IPCEF1: variants seen among roughly 807,000 people sequenced by gnomAD.
IPCEF1 encodes interactor protein for cytohesin exchange factors 1.
IPCEF1 carries 31 observed loss-of-function variants against 50.9 expected under a neutral mutation model. The ratio of observed to expected loss-of-function variants is 0.61; its 90% CI spans 0.46 to 0.82. The LOEUF is 0.82. IPCEF1 is among the 40% of genes least tolerant of loss of function. IPCEF1 has a pLI of 0.00. For synonymous variants in IPCEF1, 181 were observed against 192.0 expected, an observed-to-expected ratio of 0.94 and a Z score of 0.47; for missense variants, 458 against 514.0, an observed-to-expected ratio of 0.89 and a Z score of 1.05.
intron 5 of IPCEF1, among the ~76,000 whole-genome samples, chr6:154,226,490 T>C (rs955457250): frequency 6.6e-6 from 1 of 152,148 alleles, no homozygotes; most frequent in African/African-American, 2.4e-5. Context: ...AACTCTTCCA[T>C]TCCCTTCTCG....
At chr6:154,326,209 C>T (rs1387952553) in intron 1 of IPCEF1, among the ~76,000 whole-genome samples, 1 of 145,000 alleles carries the variant, frequency 6.9e-6, no homozygotes, top group African/African-American at 2.7e-5. Context: ...GTGATAGAGC[C>T]AGACCTTGTC....
chr6:154,171,999 G>A (rs535052192), intron 10 of IPCEF1, among the ~76,000 whole-genome samples: 2 of 152,266 alleles, frequency 1.3e-5, no homozygotes, highest in South Asian at 4.1e-4. Flanking sequence ...GTATGACAAA[G>A]ATAAATAGAA....
At position 154,199,877 on chromosome 6, in the gene IPCEF1, TC is replaced by T. The variant is rs1171082291; in HGVS notation, c.700del (p.Asp234MetfsTer6). 1.9e-6 allele frequency: 3 copies of T among 1,614,084 alleles called. No individual in the cohort carries two copies. Among genetic ancestry groups the T allele is most frequent in the Non-Finnish European group, 2.5e-6 (3 of 1,180,030 alleles). ...DTVNSLSAAE[D>X]EGQPITFAVQ... ...AGCAAACGTTATTGGTTGTCCCTCA[TC>T]TTCAGCAGCAGACAAACTGTTAACT... On this transcript the variant is annotated frameshift_variant, in exon 10 of 12. Coordinates refer to ENST00000367220, the MANE Select transcript of IPCEF1 (RefSeq NM_001130700.2). LOFTEE classifies it high-confidence loss of function.
intron 3 of IPCEF1, among the ~76,000 whole-genome samples, chr6:154,256,872 G>A (rs1485545932): frequency 6.6e-6 from 1 of 152,122 alleles, no homozygotes; most frequent in African/African-American, 2.4e-5. Context: ...GTAATACATG[G>A]TATGATACCT....
intron 9 of IPCEF1, among the ~76,000 whole-genome samples, chr6:154,211,481 G>C (rs1777961424): frequency 6.6e-6 from 1 of 151,700 alleles, no homozygotes; most frequent in Non-Finnish European, 1.5e-5. Flanking sequence ...CCCATCTCAG[G>C]CACTCACTGG....
chr6:154,249,883 G>A (rs2128645706), intron 3 of IPCEF1, among the ~76,000 whole-genome samples: 1 of 145,590 alleles, frequency 6.9e-6, no homozygotes, highest in South Asian at 2.2e-4. Flanking sequence ...ACCTCAAGCA[G>A]AACAGGCACC....
At chr6:154,243,814 G>T (rs978479165) in intron 5 of IPCEF1, among the ~76,000 whole-genome samples, 6 of 152,118 alleles carry the variant, frequency 3.9e-5, no homozygotes, top group Admixed American at 1.3e-4. Context: ...TGGGACAATT[G>T]ACGCAATCTC....
At position 154,252,541 on chromosome 6, in the gene IPCEF1, G is replaced by C. The variant is rs558345875; in HGVS notation, c.37-5053C>G. On this transcript the variant is annotated intron_variant, in intron 3 of 11. Coordinates refer to ENST00000367220, the MANE Select transcript of IPCEF1 (RefSeq NM_001130700.2). Reference sequence around the variant, plus strand: ...AATACAAAAATTAGCTGGGCGTGGTGGTGGGCACCTGTAATCCCAGCTACT... The same window carrying C: ...AATACAAAAATTAGCTGGGCGTGGTCGTGGGCACCTGTAATCCCAGCTACT... 1.5e-4 allele frequency among the ~76,000 whole-genome samples: 23 copies of C among 152,236 alleles called. 3 individuals carry two copies. Among genetic ancestry groups the C allele is most frequent in the South Asian group, 6.2e-4 (3 of 4,822 alleles).
At chr6:154,269,754 C>A (rs1781857019) in intron 2 of IPCEF1, among the ~76,000 whole-genome samples, 2 of 152,122 alleles carry the variant, frequency 1.3e-5, no homozygotes, top group South Asian at 4.1e-4. Context: ...CTTGTTTCTC[C>A]TCTTCCAGTC....
At chr6:154,205,427 T>G (rs1007547375) in intron 9 of IPCEF1, among the ~76,000 whole-genome samples, 5 of 152,114 alleles carry the variant, frequency 3.3e-5, no homozygotes, top group Non-Finnish European at 5.9e-5. Context: ...AAACCCTGTC[T>G]CTACTAAAAA....
At chr6:154,258,700 T>C (rs181887218) in intron 3 of IPCEF1, among the ~76,000 whole-genome samples, 1 of 152,302 alleles carries the variant, frequency 6.6e-6, no homozygotes, top group African/African-American at 2.4e-5. Flanking sequence ...CAGTTCTCTC[T>C]TAAACAATGA....
chr6:154,220,269 T>G (rs963131218), intron 7 of IPCEF1, among the ~76,000 whole-genome samples: 1 of 152,126 alleles, frequency 6.6e-6, no homozygotes, highest in African/African-American at 2.4e-5. Context: ...TCATGTGAAA[T>G]AATAAGAGAC....
At chr6:154,230,909 CTT>C (rs1425783873) in intron 5 of IPCEF1, among the ~76,000 whole-genome samples, 2 of 151,982 alleles carry the variant, frequency 1.3e-5, no homozygotes, top group African/African-American at 4.8e-5. Context: ...TTGTAATATA[CTT>C]TTGTGTTTTT....
At chr6:154,264,744 C>T (rs1781710673) in intron 3 of IPCEF1, among the ~76,000 whole-genome samples, 1 of 152,128 alleles carries the variant, frequency 6.6e-6, no homozygotes, top group Non-Finnish European at 1.5e-5. Context: ...TTAGAATGAG[C>T]ACCGGAATTA....
chr6:154,285,564 C>T (rs1471985285), intron 2 of IPCEF1, among the ~76,000 whole-genome samples: 1 of 152,044 alleles, frequency 6.6e-6, no homozygotes, highest in Non-Finnish European at 1.5e-5. Flanking sequence ...ATCTGAAAAA[C>T]AGATTCTGTT....
chr6:154,277,370 G>C (rs1782089176), intron 2 of IPCEF1, among the ~76,000 whole-genome samples: 2 of 152,150 alleles, frequency 1.3e-5, no homozygotes, highest in Non-Finnish European at 2.9e-5. Context: ...GATATTTGTT[G>C]ACACAATCCA....
intron 2 of IPCEF1, among the ~76,000 whole-genome samples, chr6:154,286,529 C>T (rs1164074828): frequency 1.3e-5 from 2 of 152,170 alleles, no homozygotes; most frequent in Non-Finnish European, 2.9e-5. Flanking sequence ...AAGACTTTCT[C>T]TTATGTAAAC....
At position 154,223,274 on chromosome 6, in the gene IPCEF1, G is replaced by T. The variant is rs778113933; in HGVS notation, c.247-31C>A. 3.3e-6 allele frequency: 5 copies of T among 1,523,118 alleles called. No individual in the cohort carries two copies. The Admixed American group carries it at 8.4e-5, about 26-fold the overall frequency. The allele number at this position is 1,523,118 out of a possible 1,614,324, so 94.4% of individuals were successfully genotyped here. ...ACAAATATATACCACAAATAGGAAT[G>T]AATGCATCAATCCTGGGGATTAGTG... On this transcript the variant is annotated intron_variant, in intron 5 of 11. Transcript: ENST00000367220.
chr6:154,209,057 G>T (rs1644836379), intron 9 of IPCEF1, among the ~76,000 whole-genome samples: 1 of 152,132 alleles, frequency 6.6e-6, no homozygotes, highest in Non-Finnish European at 1.5e-5. Context: ...CTCGTGAAAT[G>T]TCATTCAGCC....
Sources: gnomAD v4.1 joint callset for allele counts (sites outside exome capture counted in the v4.1 genomes callset) on GRCh38, gnomAD v4.1.1 for gene constraint, MANE v1.5 for transcripts, NCBI Gene and HGNC (gene_info 2026-07-23, HGNC 2026-07-21) for gene names.